The following CAMK4 variants were observed in gnomAD, a reference collection of about 807,000 sequenced individuals.
CAMK4 encodes the protein calcium/calmodulin-dependent protein kinase type IV.
A neutral mutation model predicts 44.9 loss-of-function variants in CAMK4; 22 were observed. The ratio of observed to expected loss-of-function variants is 0.49; its 90% CI spans 0.35 to 0.70. The LOEUF (loss-of-function observed/expected upper bound fraction) is 0.70. Ranked by LOEUF, CAMK4 falls within the 30% of genes least tolerant of loss-of-function variation. The pLI, the probability that CAMK4 is intolerant of heterozygous loss-of-function variation, is 0.01. For missense variants in CAMK4, 498 were observed against 586.8 expected (o/e 0.85, Z 1.56); for synonymous variants, 218 against 215.4 (o/e 1.01, Z -0.11).
At chr5:111,283,937 T>C (rs2112610338) in intron 1 of CAMK4, among the ~76,000 whole-genome samples, 1 of 152,332 alleles carries the variant, frequency 6.6e-6, no homozygotes, top group East Asian at 1.9e-4. Context: ...TCCATTTCAC[T>C]TGAAAAATCA....
intron 1 of CAMK4, among the ~76,000 whole-genome samples, chr5:111,236,772 G>A (rs926724144): frequency 3.3e-5 from 5 of 152,008 alleles, no homozygotes; most frequent in African/African-American, 4.8e-5. Flanking sequence ...ATGCTTTGTC[G>A]TCTTCACCAC....
At chr5:111,326,291 T>C (rs1483243085) in intron 1 of CAMK4, among the ~76,000 whole-genome samples, 1 of 151,966 alleles carries the variant, frequency 6.6e-6, no homozygotes, top group African/African-American at 2.4e-5. Flanking sequence ...ACCCTATAGA[T>C]ATTGAAAAGA....
At chr5:111,264,487 AT>A (rs954507778) in intron 1 of CAMK4, among the ~76,000 whole-genome samples, 8 of 152,188 alleles carry the variant, frequency 5.3e-5, no homozygotes, top group Non-Finnish European at 1.2e-4. Context: ...AGTTTCTCCA[AT>A]TTCCTATCAG....
At chr5:111,268,970 C>CA (rs1205272816) in intron 1 of CAMK4, among the ~76,000 whole-genome samples, 1 of 151,768 alleles carries the variant, frequency 6.6e-6, no homozygotes, top group Non-Finnish European at 1.5e-5. Context: ...TGAAAAGCAG[C>CA]AAAAAATAAA....
intron 1 of CAMK4, among the ~76,000 whole-genome samples, chr5:111,249,658 G>GTGTATATATA (rs1554054676): frequency 2.0e-5 from 2 of 97,790 alleles, no homozygotes; most frequent in African/African-American, 6.4e-5. Flanking sequence ...GTGTGTGTGT[G>GTGTATATATA]TATATATATG....
chr5:111,368,019 C>T (rs969977143), intron 2 of CAMK4, among the ~76,000 whole-genome samples: 2 of 152,060 alleles, frequency 1.3e-5, no homozygotes, highest in African/African-American at 4.8e-5. Flanking sequence ...AAGTAAAGCA[C>T]GGAATGTTGA....
intron 1 of CAMK4, among the ~76,000 whole-genome samples, chr5:111,251,816 T>G (rs1245350741): frequency 6.6e-6 from 1 of 152,214 alleles, no homozygotes; most frequent in Non-Finnish European, 1.5e-5. Flanking sequence ...CAAGGTACAT[T>G]GAGGAAATCC....
At chr5:111,243,130 A>G (rs1452953325) in intron 1 of CAMK4, among the ~76,000 whole-genome samples, 1 of 152,222 alleles carries the variant, frequency 6.6e-6, no homozygotes, top group Non-Finnish European at 1.5e-5. Flanking sequence ...ACTCAGGACC[A>G]TTGAATAGGG....
At chr5:111,338,307 G>A (rs191954721) in intron 1 of CAMK4, among the ~76,000 whole-genome samples, 215 of 151,094 alleles carry the variant, frequency 1.4e-3, no homozygotes, top group African/African-American at 5.0e-3. Context: ...ATATTATTAA[G>A]AGCTCTTGCA....
rs145851317 is a variant in CAMK4 at position 111,244,182 on chromosome 5, G to A, written c.161+19538G>A. Among the ~76,000 whole-genome samples, 571 of 152,194 alleles carry A rather than the reference G, an allele frequency of 3.8e-3. 4 individuals carry two copies. Among genetic ancestry groups the A allele is most frequent in the African/African-American group, 0.013 (559 of 41,518 alleles). The stretch of plus-strand genomic sequence containing the variant: ...CCTACAGCTTTCCTGAATTATTTCA[G>A]AATACAAAATTCTGTATCTCCAAGA... On this transcript the variant is annotated intron_variant, in intron 1 of 10. Coordinates refer to ENST00000282356, the MANE Select transcript of CAMK4 (RefSeq NM_001744.6).
At chr5:111,449,080 T>G (rs752007625) in intron 6 of CAMK4, 49 bp from the exon 7 acceptor site, 7 of 808,266 alleles carry the variant, frequency 8.7e-6, no homozygotes, top group Non-Finnish European at 1.3e-5. Context: ...TATTTTGTCA[T>G]AAAAGCTGAG....
In CAMK4 at chr5:111,434,291, C is replaced by CAAAA. The variant is rs34360413; in HGVS notation, c.460-12381_460-12378dup. ...CTGGCTACATAACGAGACTCTGTCT[C>CAAAA]AAAAAAAAAAAAAAAAATAGAGCCA... On this transcript the variant is annotated intron_variant, in intron 5 of 10. Coordinates refer to ENST00000282356, the MANE Select transcript of CAMK4 (RefSeq NM_001744.6). Among the ~76,000 whole-genome samples, 503 of 131,932 alleles carry CAAAA rather than the reference C, an allele frequency of 3.8e-3. 3 individuals carry two copies. Among genetic ancestry groups the CAAAA allele is most frequent in the Non-Finnish European group, 5.5e-3 (340 of 61,782 alleles). 86.6% of individuals were successfully genotyped at this position (131,932 alleles called of 152,430 possible). A position where few individuals can be genotyped will look rare whatever the true frequency, so the allele number is the denominator to read the frequency against.
chr5:111,375,223 T>C (rs1751170117), intron 3 of CAMK4, among the ~76,000 whole-genome samples: 1 of 152,222 alleles, frequency 6.6e-6, no homozygotes, highest in Admixed American at 6.5e-5. Flanking sequence ...CCTTCTTTTG[T>C]GTGCCTATCT....
rs1247715372 is a variant in CAMK4 at position 111,492,324 on chromosome 5, A to G, written c.*7858A>G. 1 of 152,182 alleles carries G rather than the reference A, an allele frequency of 6.6e-6. No individual in the cohort carries two copies. Among genetic ancestry groups the G allele is most frequent in the Non-Finnish European group, 1.5e-5 (1 of 68,032 alleles). The allele number at this position is 152,182 out of a possible 1,614,324, so 9.4% of individuals were successfully genotyped here. A position where few individuals can be genotyped will look rare whatever the true frequency, so the allele number is the denominator to read the frequency against. On this transcript the variant is annotated 3_prime_UTR_variant, in exon 11 of 11. Transcript: ENST00000282356. The stretch of plus-strand genomic sequence containing the variant: ...TAATATACAGCAATATTATTGCTCT[A>G]TTATTACAGCAATCAATAATATAAT...
Position 111,484,373 on chromosome 5 carries a change from TGTGGAGGAGGCAGCAGCTCCCAGA to T in CAMK4, c.1331_1354del (p.Val444_Arg451del), listed in dbSNP as rs1755540667. 1.2e-6 allele frequency: 2 copies of T among 1,601,088 alleles called. No individual in the cohort carries two copies. Among genetic ancestry groups the T allele is most frequent in the Non-Finnish European group, 1.7e-6 (2 of 1,174,326 alleles). ...GCCTAGCAGAGGAGAAGCTGAAGAC[TGTGGAGGAGGCAGCAGCTCCCAGA>T]GAAGGGCAAGGAAGCTCTGCTGTGG... On this transcript the variant is annotated inframe_deletion, in exon 11 of 11. Coordinates refer to ENST00000282356, the MANE Select transcript of CAMK4 (RefSeq NM_001744.6). This position sits in a 1 kb window ranked among gnomAD's most constrained non-coding sequence, Gnocchi z 5.3.
intron 5 of CAMK4, among the ~76,000 whole-genome samples, chr5:111,442,194 A>G (rs377611074): frequency 3.3e-5 from 5 of 152,262 alleles, no homozygotes; most frequent in East Asian, 3.9e-4. Flanking sequence ...TCATTTTATC[A>G]TAATATGAAG....
intron 5 of CAMK4, among the ~76,000 whole-genome samples, chr5:111,437,244 G>A (rs759948): frequency 0.63 from 95,195 of 151,912 alleles, 29,904 homozygotes; most frequent in Middle Eastern, 0.73. Flanking sequence ...TGTAAGCACA[G>A]CATTTTCTAT....
chr5:111,427,105 G>T (rs1157574609), intron 5 of CAMK4, among the ~76,000 whole-genome samples: 1 of 152,088 alleles, frequency 6.6e-6, no homozygotes, highest in Non-Finnish European at 1.5e-5. Flanking sequence ...TTTGCTTAAG[G>T]AGAGGAGAGG....
intron 1 of CAMK4, among the ~76,000 whole-genome samples, chr5:111,229,236 C>T (rs1331644636): frequency 6.6e-6 from 1 of 152,146 alleles, no homozygotes. Flanking sequence ...ATCAGGGTCC[C>T]AGCCAATGCA....
Sources: allele counts gnomAD v4.1 joint callset (sites outside exome capture counted in the v4.1 genomes callset), GRCh38; gene constraint gnomAD v4.1.1; non-coding constraint Gnocchi (gnomAD v3.1); transcripts MANE v1.5; gene names NCBI Gene and HGNC (gene_info 2026-07-23, HGNC 2026-07-21).